Variants in CDKN3 observed in about 807,000 individuals in gnomAD.
CDKN3 encodes cyclin dependent kinase inhibitor 3.
Under a neutral mutation model 36.1 loss-of-function variants are expected in CDKN3, and 19 were observed. That is an observed-to-expected ratio of 0.53 (90% CI 0.37 to 0.77). CDKN3 has a LOEUF of 0.77. Among genes scored for constraint, CDKN3 ranks in the 30% least tolerant of loss-of-function variants. The pLI is 0.00. For synonymous variants in CDKN3, 71 were observed against 85.3 expected (o/e 0.83, Z 0.92); for missense variants, 188 against 248.6 (o/e 0.76, Z 1.64).
chr14:54,411,710 C>G lies in CDKN3; in HGVS notation c.416+4C>G. ...ATTACCGAAAAACCTTAATACAGTA[C>G]GTTCTTTTCTCCATACACTATGTGA... On this transcript the variant is annotated splice_donor_region_variant and intron_variant, in intron 5 of 7. Coordinates refer to ENST00000335183, the MANE Select transcript of CDKN3 (RefSeq NM_005192.4). 6.5e-7 allele frequency: 1 copy of G among 1,545,792 alleles called. No individual in the cohort carries two copies. Among genetic ancestry groups the G allele is most frequent in the Non-Finnish European group, 8.9e-7 (1 of 1,118,626 alleles).
chr14:54,416,704 C>A (rs1033697116), intron 6 of CDKN3, among the ~76,000 whole-genome samples: 2 of 152,080 alleles, frequency 1.3e-5, no homozygotes, highest in African/African-American at 4.8e-5. Context: ...AGTCCCAGCT[C>A]CTTGTGGGAC....
At position 54,397,088 on chromosome 14, in the gene CDKN3, C is replaced by T; in HGVS notation, c.9+11C>T. 3 of 1,501,620 alleles carry T rather than the reference C, an allele frequency of 2.0e-6. No homozygotes were observed. Among genetic ancestry groups the T allele is most frequent in the Non-Finnish European group, 2.7e-6 (3 of 1,122,550 alleles). 93.0% of individuals were successfully genotyped at this position (1,501,620 alleles called of 1,614,324 possible). The stretch of plus-strand genomic sequence containing the variant: ...CCAGCGATGAAGCCGGTGAGTCGGA[C>T]GTGCTGGGGTTTGGAGGAGCGAGGC... On this transcript the variant is annotated intron_variant, in intron 1 of 7. Transcript: ENST00000335183.
intron 1 of CDKN3, among the ~76,000 whole-genome samples, chr14:54,397,849 A>G (rs1886358511): frequency 6.6e-6 from 1 of 152,206 alleles, no homozygotes; most frequent in African/African-American, 2.4e-5. Context: ...TCCATAGCCT[A>G]GGGCCGGGTG....
intron 3 of CDKN3, among the ~76,000 whole-genome samples, chr14:54,402,581 T>G (rs1366809274): frequency 2.0e-5 from 3 of 152,212 alleles, no homozygotes; most frequent in Non-Finnish European, 1.5e-5. Flanking sequence ...ATTTTGGCTT[T>G]TGTTGCAATC....
chr14:54,413,507 A>G, intron 5 of CDKN3: 1 of 864,536 alleles, frequency 1.2e-6, no homozygotes, highest in Non-Finnish European at 1.9e-6. Flanking sequence ...TGCAGAGTAC[A>G]AACAGGATAG....
Position 54,417,885 on chromosome 14 carries a change from A to G in CDKN3, c.486A>G (p.Ile162Met), listed in dbSNP as rs750341180. 1.3e-6 allele frequency: 2 copies of G among 1,598,886 alleles called. No homozygotes were observed. Among genetic ancestry groups the G allele is most frequent in the Non-Finnish European group, 1.7e-6 (2 of 1,172,184 alleles). ...TCCTACTATACCTGTCTGACACAAT[A>G]TCACCAGAGCAAGCCATAGACAGCC... ...ACLLLYLSDT[I>M]SPEQAIDSLR... is the part of the protein sequence containing the mutation. Residue 162 changes from isoleucine (I) to methionine (M), a missense_variant, in exon 7 of 8, where the codon ATA becomes ATG. Physicochemically the swap from Ile to Met is conservative, Grantham distance 10 (BLOSUM62 1). Transcript: ENST00000335183.
In CDKN3 at chr14:54,410,949, C is replaced by T. The variant is rs553740103; in HGVS notation, c.194-535C>T. Among the ~76,000 whole-genome samples the T allele has an allele frequency of 1.3e-4, 19 of 151,982 alleles. No homozygotes were observed. The South Asian group carries it at 2.1e-3, about 17-fold the overall frequency. On this transcript the variant is annotated intron_variant, in intron 4 of 7. Transcript: ENST00000335183. ...ATCCCAGCACTTTGGGAGGCGGAGG[C>T]GGGCAGATCAACTGAGGTCGGGAGT... is the stretch of plus-strand genomic sequence containing the variant.
chr14:54,413,069 AC>A (rs1031450342), intron 5 of CDKN3, among the ~76,000 whole-genome samples: 3 of 152,212 alleles, frequency 2.0e-5, no homozygotes, highest in Non-Finnish European at 4.4e-5. Context: ...GGGGACACAC[AC>A]CTGTTTGTGG....
At position 54,399,913 on chromosome 14, in the gene CDKN3, G is replaced by A. The variant is rs762114557; in HGVS notation, c.29G>A (p.Ser10Asn). Residue 10 changes from serine (S) to asparagine (N), a missense_variant, in exon 2 of 8, where the codon AGT becomes AAT. Physicochemically the swap from Ser to Asn is conservative, Grantham distance 46 (BLOSUM62 1). Coordinates refer to ENST00000335183, the MANE Select transcript of CDKN3 (RefSeq NM_005192.4). Reference protein sequence around the residue: MKPPSSIQTSEFDSSDEEPI... With the variant: MKPPSSIQTNEFDSSDEEPI... ...TTGAAGCCCAGTTCAATACAAACAA[G>A]TGAGTTTGACTCATCAGATGAAGAG... The A allele has an allele frequency of 6.3e-7, 1 of 1,575,390 alleles. No homozygotes were observed. The highest frequency in any genetic ancestry group is 8.7e-7 in the Non-Finnish European group (1 of 1,145,200).
intron 4 of CDKN3, 107 bp downstream of exon 4, chr14:54,408,896 GT>G: frequency 7.3e-7 from 1 of 1,376,512 alleles, no homozygotes. Flanking sequence ...ATAAAAATAA[GT>G]TTTCAATATT....
At chr14:54,409,516 T>C (rs965941659) in intron 4 of CDKN3, among the ~76,000 whole-genome samples, 1 of 152,144 alleles carries the variant, frequency 6.6e-6, no homozygotes, top group African/African-American at 2.4e-5. Flanking sequence ...TTCTAGAACA[T>C]CAGTTTGCTA....
intron 7 of CDKN3, 147 bp downstream of exon 7, chr14:54,418,098 C>CT: frequency 1.4e-6 from 1 of 690,610 alleles, no homozygotes; most frequent in South Asian, 1.6e-5. Context: ...ATACCACTTG[C>CT]TTATGCTTTT....
Position 54,397,086 on chromosome 14 carries a change from G to T in CDKN3, c.9+9G>T. ...GGCCAGCGATGAAGCCGGTGAGTCG[G>T]ACGTGCTGGGGTTTGGAGGAGCGAG... On this transcript the variant is annotated intron_variant, in intron 1 of 7. Coordinates refer to ENST00000335183, the MANE Select transcript of CDKN3 (RefSeq NM_005192.4). 1 of 1,502,038 alleles carries T rather than the reference G, an allele frequency of 6.7e-7. No homozygotes were observed. The highest frequency in any genetic ancestry group is 8.9e-7 in the Non-Finnish European group (1 of 1,122,552). The allele number at this position is 1,502,038 out of a possible 1,614,324, so 93.0% of individuals were successfully genotyped here.
chr14:54,416,139 G>A (rs1291894200), intron 6 of CDKN3, among the ~76,000 whole-genome samples: 2 of 152,094 alleles, frequency 1.3e-5, no homozygotes, highest in African/African-American at 4.8e-5. Context: ...GAGGATTCTG[G>A]CAAAACATCA....
intron 4 of CDKN3, among the ~76,000 whole-genome samples, chr14:54,409,392 G>A (rs940909904): frequency 6.6e-6 from 1 of 152,174 alleles, no homozygotes; most frequent in Non-Finnish European, 1.5e-5. Context: ...GGCCTGGAAT[G>A]TCTCAAACCT....
At chr14:54,398,827 A>G (rs982274793) in intron 1 of CDKN3, among the ~76,000 whole-genome samples, 15 of 152,114 alleles carry the variant, frequency 9.9e-5, no homozygotes, top group East Asian at 5.8e-4. Flanking sequence ...TATTTCACCT[A>G]CACCACCCCC....
intron 4 of CDKN3, 102 bp from the exon 5 acceptor site, chr14:54,411,382 G>C: frequency 1.2e-6 from 1 of 845,200 alleles, no homozygotes; most frequent in Non-Finnish European, 1.8e-6. Flanking sequence ...TTTGGTATTA[G>C]TTTGGCTTAA....
At chr14:54,411,439 A>G in intron 4 of CDKN3, 45 bp from the exon 5 acceptor site, 4 of 1,407,342 alleles carry the variant, frequency 2.8e-6, no homozygotes, top group Non-Finnish European at 4.0e-6. Flanking sequence ...TAAATGTGTG[A>G]TGTTTTCTAT....
chr14:54,405,191 T>G (rs1381316899), intron 3 of CDKN3, among the ~76,000 whole-genome samples: 1 of 152,236 alleles, frequency 6.6e-6, no homozygotes, highest in African/African-American at 2.4e-5. Flanking sequence ...TTGATTGCAC[T>G]GTGGTCTGAG....
Sources: gnomAD v4.1 joint callset for allele counts (sites outside exome capture counted in the v4.1 genomes callset) on GRCh38, gnomAD v4.1.1 for gene constraint, MANE v1.5 for transcripts, NCBI Gene and HGNC (gene_info 2026-07-23, HGNC 2026-07-21) for gene names.